FBXL22: variants seen among roughly 807,000 people sequenced by gnomAD.
FBXL22 encodes F-box and leucine rich repeat protein 22.
In FBXL22, 13 loss-of-function variants were observed where a neutral mutation model predicts 11.7. That is an observed-to-expected ratio of 1.11 (90% CI 0.73 to 1.77). FBXL22 has a LOEUF of 1.77. FBXL22 is among the 40% of genes most tolerant of loss of function. The probability of loss-of-function intolerance (pLI) is 0.00; values close to 1 mark genes in which losing one functional copy is unlikely to be tolerated. For missense variants in FBXL22, 406 were observed against 320.4 expected (o/e 1.27, Z -2.04); for synonymous variants, 160 against 144.1 (o/e 1.11, Z -0.79).
intron 1 of FBXL22, chr15:63,599,326 A>G: frequency 8.2e-6 from 12 of 1,454,992 alleles, no homozygotes; most frequent in Non-Finnish European, 1.1e-5. Flanking sequence ...TATTCCAAAG[A>G]TTCTTAGAAG....
At chr15:63,599,835 G>A in intron 1 of FBXL22, 20 of 985,782 alleles carry the variant, frequency 2.0e-5, no homozygotes, top group South Asian at 4.7e-5. Context: ...CAGGGAAAGC[G>A]GGTTAGGACT....
intron 1 of FBXL22, among the ~76,000 whole-genome samples, chr15:63,598,745 C>A (rs1246601239): frequency 6.6e-6 from 1 of 152,238 alleles, no homozygotes; most frequent in African/African-American, 2.4e-5. Context: ...GTGACCCCAC[C>A]TTTCTTTTGA....
At chr15:63,606,344 G>A (rs931850826), downstream of FBXL22, among the ~76,000 whole-genome samples, 9 of 152,240 alleles carry the variant, frequency 5.9e-5, no homozygotes, top group Non-Finnish European at 1.3e-4. Context: ...AAGGATGTCT[G>A]GAGAAATCTT....
At chr15:63,598,943 C>T (rs2067319404) in intron 1 of FBXL22, among the ~76,000 whole-genome samples, 1 of 152,188 alleles carries the variant, frequency 6.6e-6, no homozygotes. Context: ...CTTAATGCCC[C>T]AAACCTGCAA....
At chr15:63,599,613 C>G (rs892528312) in intron 1 of FBXL22, 82 of 1,000,100 alleles carry the variant, frequency 8.2e-5, no homozygotes, top group Middle Eastern at 1.0e-3. Flanking sequence ...CTGGCTGCAC[C>G]CAACATATTT....
intron 1 of FBXL22, 127 bp from the exon 2 acceptor site, chr15:63,600,570 C>T (rs1014423965): frequency 3.3e-6 from 4 of 1,229,524 alleles, no homozygotes; most frequent in South Asian, 8.5e-5. Context: ...GCAGTGTCAT[C>T]GCAGCCAAGT....
At chr15:63,599,903 C>CCCA in intron 1 of FBXL22, 1 of 985,658 alleles carries the variant, frequency 1.0e-6, no homozygotes, top group Non-Finnish European at 1.2e-6. Flanking sequence ...CATTATTCCC[C>CCCA]CCACGCAGAG....
At position 63,601,062 on chromosome 15, in the gene FBXL22, G is replaced by T; in HGVS notation, c.*23G>T. 8.1e-7 allele frequency: 1 copy of T among 1,230,816 alleles called. No homozygotes were observed. The highest frequency in any genetic ancestry group is 1.0e-6 in the Non-Finnish European group (1 of 987,252). 76.2% of individuals were successfully genotyped at this position (1,230,816 alleles called of 1,614,324 possible). On this transcript the variant is annotated 3_prime_UTR_variant, in exon 2 of 2. Coordinates refer to ENST00000638704, the MANE Select transcript of FBXL22 (RefSeq NM_001367807.1). ...TAGACGCCGCCCCGCCGCTGCCCCC[G>T]GGGAAGGAGCGCAGCCCCAGACCGT...
At chr15:63,599,301 T>C in intron 1 of FBXL22, 1 of 1,482,058 alleles carries the variant, frequency 6.7e-7, no homozygotes, top group Admixed American at 2.5e-5. Context: ...CTTTGTTTTT[T>C]CCCTGTATCA....
rs1230901200 is a variant in FBXL22 at position 63,600,103 on chromosome 15, A to AC, written c.354-591dup. The AC allele has an allele frequency of 4.1e-6, 4 of 985,438 alleles. No individual in the cohort carries two copies. The African/African-American group carries it at 7.0e-5, about 17-fold the overall frequency. The allele number at this position is 985,438 out of a possible 1,614,324, so 61.0% of individuals were successfully genotyped here. A position where few individuals can be genotyped will look rare whatever the true frequency, so the allele number is the denominator to read the frequency against. On this transcript the variant is annotated intron_variant, in intron 1 of 1. Transcript: ENST00000638704. ...TTGCCTCTAGCTGCCTCCGAACCCTACCCTTTTCCAGGCTGGTGGCCCAGG... is the reference window on the plus strand; with the variant it reads ...TTGCCTCTAGCTGCCTCCGAACCCTACCCCTTTTCCAGGCTGGTGGCCCAGG...
At chr15:63,608,178 T>C in the FBXL22 span, among the ~76,000 whole-genome samples, 1 of 152,214 alleles carries the variant, frequency 6.6e-6, no homozygotes. Flanking sequence ...TAAACTACCC[T>C]GTTCTTTAAT....
chr15:63,597,895 GC>G lies in FBXL22; in HGVS notation c.353+151del. 1 of 679,658 alleles carries G rather than the reference GC, an allele frequency of 1.5e-6. No homozygotes were observed. The highest frequency in any genetic ancestry group is 2.4e-6 in the Non-Finnish European group (1 of 411,028). 42.1% of individuals were successfully genotyped at this position (679,658 alleles called of 1,614,324 possible). ...AAGGCAGACATCCAGACCGCCCAAA[GC>G]AGGGTCCCCAGGAGACAATAAAATC... On this transcript the variant is annotated intron_variant, in intron 1 of 1. Coordinates refer to ENST00000638704, the MANE Select transcript of FBXL22 (RefSeq NM_001367807.1). The surrounding 1 kb of genome is among the most constrained non-coding windows in gnomAD (Gnocchi z 4.3).
At chr15:63,607,296 C>T (rs182138537), downstream of FBXL22, among the ~76,000 whole-genome samples, 78 of 152,306 alleles carry the variant, frequency 5.1e-4, no homozygotes, top group East Asian at 2.1e-3. Flanking sequence ...CCACCCGCCT[C>T]GGCCTCCCAA....
chr15:63,606,953 T>C (rs1018522748), downstream of FBXL22, among the ~76,000 whole-genome samples: 1 of 152,100 alleles, frequency 6.6e-6, no homozygotes, highest in Non-Finnish European at 1.5e-5. Flanking sequence ...TATCCTTTGC[T>C]CTGCATGTCC....
downstream of FBXL22, chr15:63,601,369 C>T (rs1386777397): frequency 6.2e-7 from 1 of 1,604,796 alleles, no homozygotes; most frequent in Non-Finnish European, 8.5e-7. Context: ...CGCCGTTGGA[C>T]CGAAATCACC....
chr15:63,601,458 G>T (rs541081928), downstream of FBXL22: 2 of 1,564,638 alleles, frequency 1.3e-6, no homozygotes, highest in African/African-American at 1.4e-5. Flanking sequence ...CCGCGCGCAG[G>T]GGTCTGGGGA....
At position 63,600,797 on chromosome 15, in the gene FBXL22, C is replaced by G; in HGVS notation, c.454C>G (p.Arg152Gly). The change falls in exon 2 of 2, where the codon CGC becomes GGC. Residue 152 changes from arginine (R) to glycine (G), a missense_variant. Transcript: ENST00000638704. ...CTGCTGCCCACGCCTGCGCGCACTG[C>G]GCCTGGAGAACTGCGCGCGCGTCAC... ...LRCCPRLRALRLENCARVTNR... is the reference protein window; with the variant it reads ...LRCCPRLRALGLENCARVTNR... 1 of 1,231,138 alleles carries G rather than the reference C, an allele frequency of 8.1e-7. No homozygotes were observed. Among genetic ancestry groups the G allele is most frequent in the Non-Finnish European group, 1.0e-6 (1 of 987,550 alleles). The allele number at this position is 1,231,138 out of a possible 1,614,324, so 76.3% of individuals were successfully genotyped here.
At chr15:63,599,184 T>G in intron 1 of FBXL22, 1 of 1,534,096 alleles carries the variant, frequency 6.5e-7, no homozygotes, top group African/African-American at 1.4e-5. Context: ...CAGTGGCACC[T>G]GGCACATAGT....
chr15:63,598,581 G>A (rs1403123777), intron 1 of FBXL22, among the ~76,000 whole-genome samples: 2 of 152,184 alleles, frequency 1.3e-5, no homozygotes, highest in South Asian at 2.1e-4. Flanking sequence ...GCTTCTGCCA[G>A]TCCCGTGCTG....
Sources: gnomAD v4.1 joint callset for allele counts (sites outside exome capture counted in the v4.1 genomes callset) on GRCh38, gnomAD v4.1.1 for gene constraint, Gnocchi (gnomAD v3.1) non-coding constraint, MANE v1.5 for transcripts, NCBI Gene and HGNC (gene_info 2026-07-23, HGNC 2026-07-21) for gene names.